MYPN: variants seen among roughly 807,000 people sequenced by gnomAD.
MYPN encodes the protein sarcomeric protein myopalladin, 145 kDa (MYOP).
Under a neutral mutation model 129.4 loss-of-function variants are expected in MYPN, and 63 were observed. That is an observed-to-expected ratio of 0.49 (90% CI 0.40 to 0.60). MYPN has a LOEUF of 0.60. Ranked by LOEUF, MYPN falls within the 20% of genes least tolerant of loss-of-function variation. MYPN has a pLI of 0.00. For missense variants in MYPN, 1,596 were observed against 1,635.4 expected (o/e 0.98, Z 0.42); for synonymous variants, 629 against 600.9 (o/e 1.05, Z -0.68).
chr10:68,100,294 C>T lies in MYPN; in HGVS notation c.-2+12302C>T, dbSNP rs1019958780. On this transcript the variant is annotated intron_variant, in intron 1 of 6. Coordinates refer to the MYPN transcript ENST00000685154. Reference sequence around the variant, plus strand: ...GGGTCACTCAGGGAGCTAAATAATTCATTCTGGCTTATCTGCCTTTCCAGA... The same window carrying T: ...GGGTCACTCAGGGAGCTAAATAATTTATTCTGGCTTATCTGCCTTTCCAGA... 3.3e-5 allele frequency among the ~76,000 whole-genome samples: 5 copies of T among 152,306 alleles called. No individual in the cohort carries two copies. In the South Asian group the frequency reaches 8.3e-4, roughly 25 times the overall value.
intron 12 of MYPN, among the ~76,000 whole-genome samples, chr10:68,184,002 A>G (rs1000065832): frequency 6.6e-6 from 1 of 152,182 alleles, no homozygotes; most frequent in African/African-American, 2.4e-5. Context: ...AGCCTGGGTG[A>G]CAGAGTGAGA....
At position 68,121,983 on chromosome 10, in the gene MYPN, A is replaced by G; in HGVS notation, c.545A>G (p.Lys182Arg). The G allele has an allele frequency of 6.2e-7, 1 of 1,614,258 alleles. No individual in the cohort carries two copies. Among genetic ancestry groups the G allele is most frequent in the African/African-American group, 1.3e-5 (1 of 75,072 alleles). Residue 182 changes from lysine to arginine, a missense_variant, in exon 2 of 20, where the codon AAG (lysine) becomes AGG (arginine). Coordinates refer to ENST00000358913, the MANE Select transcript of MYPN (RefSeq NM_032578.4). ...AGACCTCGTGCCTGCAAAAACCACAAGAGTAAACTGGAATCTCAAAACAAA... is the reference window on the plus strand; with the variant it reads ...AGACCTCGTGCCTGCAAAAACCACAGGAGTAAACTGGAATCTCAAAACAAA... ...RIRPRACKNH[K>R]SKLESQNKVM...
chr10:68,174,614 C>T lies in MYPN; in HGVS notation c.2522C>T (p.Pro841Leu). The T allele has an allele frequency of 6.2e-7, 1 of 1,614,194 alleles. No homozygotes were observed. Among genetic ancestry groups the T allele is most frequent in the Non-Finnish European group, 8.5e-7 (1 of 1,180,030 alleles). ...SSVLPSLPAI[P>L]PTNAMGLPRS... ...GTTCTGCCTTCTCTCCCTGCCATCC[C>T]ACCCACAAATGCCATGGGGCTGCCT... Residue 841 changes from proline to leucine, a missense_variant, in exon 11 of 20, where the codon CCA (proline) becomes CTA (leucine). Coordinates refer to ENST00000358913, the MANE Select transcript of MYPN (RefSeq NM_032578.4).
Position 68,210,930 on chromosome 10 carries a change from T to C in MYPN, c.*475T>C. On this transcript the variant is annotated 3_prime_UTR_variant, in exon 20 of 20. Coordinates refer to ENST00000358913, the MANE Select transcript of MYPN (RefSeq NM_032578.4). Reference sequence around the variant, plus strand: ...TCGATTACATGTATAGCAGTAGTTTTGGTGAATTCACCAAATCAGCTTCCA... The same window carrying C: ...TCGATTACATGTATAGCAGTAGTTTCGGTGAATTCACCAAATCAGCTTCCA... 2.2e-6 allele frequency: 1 copy of C among 454,638 alleles called. No individual in the cohort carries two copies. Among genetic ancestry groups the C allele is most frequent in the Non-Finnish European group, 4.4e-6 (1 of 226,910 alleles). 28.2% of individuals were successfully genotyped at this position (454,638 alleles called of 1,614,324 possible).
intron 8 of MYPN, among the ~76,000 whole-genome samples, chr10:68,165,170 A>G (rs1208289301): frequency 6.6e-6 from 1 of 152,252 alleles, no homozygotes. Context: ...TCCCCTTGTC[A>G]GGCCGGGCAT....
intron 12 of MYPN, among the ~76,000 whole-genome samples, chr10:68,188,575 T>C (rs558607706): frequency 6.6e-6 from 1 of 152,316 alleles, no homozygotes; most frequent in African/African-American, 2.4e-5. Context: ...AAAATAATGC[T>C]ATAGGAAGTT....
At chr10:68,091,169 G>A (rs868339796) in intron 1 of MYPN, among the ~76,000 whole-genome samples, 15 of 152,074 alleles carry the variant, frequency 9.9e-5, no homozygotes, top group Admixed American at 5.9e-4. Context: ...ATGGACTGGA[G>A]AAAGGCAGGT....
chr10:68,172,318 G>C (rs774727122), intron 10 of MYPN, among the ~76,000 whole-genome samples: 3 of 152,108 alleles, frequency 2.0e-5, no homozygotes, highest in Non-Finnish European at 2.9e-5. Context: ...TTGTGCCACT[G>C]TACTCCAGCC....
intron 5 of MYPN, 114 bp downstream of exon 5, chr10:68,148,581 G>C: frequency 1.2e-6 from 1 of 815,354 alleles, no homozygotes; most frequent in Non-Finnish European, 2.1e-6. Flanking sequence ...TCCATCATCA[G>C]GATAATCACC....
intron 8 of MYPN, chr10:68,162,178 A>AC (rs1374990993): frequency 2.0e-5 from 3 of 148,922 alleles, no homozygotes; most frequent in African/African-American, 7.3e-5. Flanking sequence ...AAAAAAAAAA[A>AC]AAAAAAAAAA....
chr10:68,192,752 A>G (rs775913192), intron 13 of MYPN, among the ~76,000 whole-genome samples: 3 of 152,002 alleles, frequency 2.0e-5, no homozygotes, highest in South Asian at 2.1e-4. Context: ...GGTAGGTTGT[A>G]TGTGTCCAGG....
chr10:68,197,908 A>G (rs2043638566), intron 16 of MYPN, among the ~76,000 whole-genome samples: 1 of 152,182 alleles, frequency 6.6e-6, no homozygotes, highest in Non-Finnish European at 1.5e-5. Context: ...TAGCATAGAC[A>G]GTGTGAACGC....
intron 2 of MYPN, among the ~76,000 whole-genome samples, chr10:68,124,232 C>T (rs1332929930): frequency 1.3e-5 from 2 of 152,168 alleles, no homozygotes; most frequent in African/African-American, 4.8e-5. Flanking sequence ...ACATGTCCTA[C>T]TTTTGATTTT....
chr10:68,181,865 G>A (rs1018390378), intron 12 of MYPN, among the ~76,000 whole-genome samples: 3 of 151,944 alleles, frequency 2.0e-5, no homozygotes, highest in Non-Finnish European at 4.4e-5. Flanking sequence ...CTCTCCGATG[G>A]ACCCTGGACC....
chr10:68,146,577 T>G (rs754540352), intron 4 of MYPN, among the ~76,000 whole-genome samples: 7 of 152,256 alleles, frequency 4.6e-5, no homozygotes, highest in Non-Finnish European at 8.8e-5. Context: ...TAACTGTGAC[T>G]TAAATGAAAC....
Position 68,161,761 on chromosome 10 carries a change from G to A in MYPN, c.1483+9G>A, listed in dbSNP as rs760851247. The A allele has an allele frequency of 1.9e-6, 3 of 1,604,034 alleles. No homozygotes were observed. Among genetic ancestry groups the A allele is most frequent in the Admixed American group, 1.7e-5 (1 of 59,778 alleles). On this transcript the variant is annotated intron_variant, in intron 8 of 19. Transcript: ENST00000358913. ...ATCCATGGCAGAGCCAGGTAAAGAT[G>A]ATTTCAACTTTAATTTATTAGTATA...
chr10:68,110,864 T>A (rs2042072100), intron 1 of MYPN, among the ~76,000 whole-genome samples: 1 of 152,170 alleles, frequency 6.6e-6, no homozygotes, highest in Non-Finnish European at 1.5e-5. Flanking sequence ...AATATATGGA[T>A]AATATACTTA....
At chr10:68,202,124 T>TA (rs2043726904) in intron 18 of MYPN, 130 bp downstream of exon 18, 2 of 1,141,100 alleles carry the variant, frequency 1.8e-6, no homozygotes, top group African/African-American at 1.5e-5. Flanking sequence ...TCATTGATAT[T>TA]ATTGTGTGTA....
At chr10:68,119,273 T>A (rs1339138021) in intron 1 of MYPN, among the ~76,000 whole-genome samples, 2 of 152,178 alleles carry the variant, frequency 1.3e-5, no homozygotes, top group Non-Finnish European at 2.9e-5. Flanking sequence ...TAATGAGTAA[T>A]AATTTAATTA....
Sources: gnomAD v4.1 joint callset for allele counts (sites outside exome capture counted in the v4.1 genomes callset) on GRCh38, gnomAD v4.1.1 for gene constraint, MANE v1.5 for transcripts, NCBI Gene and HGNC (gene_info 2026-07-23, HGNC 2026-07-21) for gene names.